WWOX: variants seen among roughly 807,000 people sequenced by gnomAD.
WWOX encodes WW domain containing oxidoreductase.
In WWOX, 69 loss-of-function variants were observed where a neutral mutation model predicts 46.2. The ratio of observed to expected loss-of-function variants is 1.49; its 90% CI spans 1.23 to 1.82. WWOX has a LOEUF of 1.82. Ranked by LOEUF, WWOX falls within the 40% of genes most tolerant of loss-of-function variation. WWOX has a pLI of 0.00. For missense variants in WWOX, 919 were observed against 542.6 expected (o/e 1.69, Z -6.89); for synonymous variants, 359 against 202.6 (o/e 1.77, Z -6.56).
At chr16:78,560,858 A>ATT (rs200164239) in intron 8 of WWOX, among the ~76,000 whole-genome samples, 1 of 151,654 alleles carries the variant, frequency 6.6e-6, no homozygotes, top group African/African-American at 2.4e-5. Flanking sequence ...ATGCTGCAGA[A>ATT]TTTTTTTTTC....
At chr16:78,321,976 G>A (rs780354255) in intron 5 of WWOX, among the ~76,000 whole-genome samples, 1 of 152,214 alleles carries the variant, frequency 6.6e-6, no homozygotes, top group Non-Finnish European at 1.5e-5. Context: ...GCAGAGACAG[G>A]TTGTGGATGG....
chr16:78,197,968 A>G (rs1342879216), intron 5 of WWOX, among the ~76,000 whole-genome samples: 2 of 150,550 alleles, frequency 1.3e-5, no homozygotes, highest in Non-Finnish European at 3.0e-5. Flanking sequence ...AATTTCTTCC[A>G]TTTTCTTTCC....
chr16:78,331,835 T>C (rs185600931), intron 5 of WWOX, among the ~76,000 whole-genome samples: 1 of 152,180 alleles, frequency 6.6e-6, no homozygotes, highest in Admixed American at 6.5e-5. Flanking sequence ...ATTTAATTCT[T>C]CCAACAACGT....
At chr16:78,364,161 T>C (rs969231309) in intron 5 of WWOX, among the ~76,000 whole-genome samples, 2 of 152,182 alleles carry the variant, frequency 1.3e-5, no homozygotes, top group Non-Finnish European at 2.9e-5. Flanking sequence ...CGACCCTGTT[T>C]GCAGCAAAGA....
chr16:78,124,281 G>A (rs2033260416), intron 4 of WWOX: 1 of 151,942 alleles, frequency 6.6e-6, no homozygotes. Flanking sequence ...AGATATTTTG[G>A]TTGTTCATAT....
At chr16:79,023,219 T>G (rs2047569783) in intron 8 of WWOX, among the ~76,000 whole-genome samples, 1 of 152,182 alleles carries the variant, frequency 6.6e-6, no homozygotes, top group African/African-American at 2.4e-5. Flanking sequence ...CAGTCCATCT[T>G]GTTGGAAGGC....
At position 79,008,128 on chromosome 16, in the gene WWOX, A is replaced by C. The variant is rs79733508; in HGVS notation, c.1057-203480A>C. Among the ~76,000 whole-genome samples, 843 of 152,212 alleles carry C rather than the reference A, an allele frequency of 5.5e-3. 30 individuals are homozygous for C. The East Asian group carries it at 0.087, about 16-fold the overall frequency. On this transcript the variant is annotated intron_variant, in intron 8 of 8. Transcript: ENST00000566780. ...TATTAACAGAATTCATTTTCTTGTA[A>C]CTGTAGGACTGAGGTGCTTGTTTTC... is the stretch of plus-strand genomic sequence containing the variant.
chr16:78,315,414 C>T (rs1378727429), intron 5 of WWOX, among the ~76,000 whole-genome samples: 1 of 152,014 alleles, frequency 6.6e-6, no homozygotes, highest in African/African-American at 2.4e-5. Flanking sequence ...TTGGGGAGGC[C>T]AAGGCCGGCG....
intron 8 of WWOX, among the ~76,000 whole-genome samples, chr16:78,882,329 A>G (rs2044360031): frequency 2.0e-5 from 3 of 152,308 alleles, no homozygotes; most frequent in Middle Eastern, 6.8e-3. Context: ...ACAGGTTCAG[A>G]GAAGTTAAGC....
intron 8 of WWOX, among the ~76,000 whole-genome samples, chr16:78,748,004 C>G (rs1445696068): frequency 6.6e-6 from 1 of 152,194 alleles, no homozygotes; most frequent in African/African-American, 2.4e-5. Context: ...AACTCCAAGT[C>G]CATCTGCGCC....
chr16:78,276,362 C>T (rs1345008010), intron 5 of WWOX, among the ~76,000 whole-genome samples: 1 of 152,184 alleles, frequency 6.6e-6, no homozygotes, highest in African/African-American at 2.4e-5. Flanking sequence ...AGTGAGCATC[C>T]AGCAAGTGGT....
chr16:78,683,168 G>A (rs989289478), intron 8 of WWOX, among the ~76,000 whole-genome samples: 2 of 151,998 alleles, frequency 1.3e-5, no homozygotes, highest in Non-Finnish European at 2.9e-5. Flanking sequence ...AACACTGAGT[G>A]TTACTTGGTC....
chr16:78,214,565 G>C (rs950396021), intron 5 of WWOX, among the ~76,000 whole-genome samples: 1 of 152,118 alleles, frequency 6.6e-6, no homozygotes, highest in African/African-American at 2.4e-5. Flanking sequence ...TGAATATGCT[G>C]TCCCTTCTAA....
intron 5 of WWOX, among the ~76,000 whole-genome samples, chr16:78,289,831 T>G (rs568252197): frequency 2.0e-5 from 3 of 152,060 alleles, no homozygotes; most frequent in Admixed American, 2.0e-4. Flanking sequence ...CGCCGTTTGC[T>G]TGATAGGTGT....
At chr16:78,883,659 G>A (rs910685613) in intron 8 of WWOX, among the ~76,000 whole-genome samples, 1 of 151,890 alleles carries the variant, frequency 6.6e-6, no homozygotes, top group African/African-American at 2.4e-5. Context: ...AGGAGATGGA[G>A]GTTGCAGTGA....
chr16:78,779,720 T>A (rs2142548899), intron 8 of WWOX, among the ~76,000 whole-genome samples: 1 of 152,252 alleles, frequency 6.6e-6, no homozygotes, highest in East Asian at 1.9e-4. Context: ...AGAAGCTTGT[T>A]CTCCTAACCA....
chr16:78,996,859 T>G (rs2047000594), intron 8 of WWOX, among the ~76,000 whole-genome samples: 1 of 152,202 alleles, frequency 6.6e-6, no homozygotes, highest in Admixed American at 6.5e-5. Context: ...CTCCGACACA[T>G]GTGCCATAAA....
intron 8 of WWOX, among the ~76,000 whole-genome samples, chr16:78,714,654 G>A (rs756226724): frequency 5.3e-5 from 8 of 152,128 alleles, no homozygotes; most frequent in African/African-American, 9.7e-5. Context: ...CGGAGGAAAC[G>A]GTAAATGAGA....
At chr16:78,755,018 G>T (rs754102971) in intron 8 of WWOX, among the ~76,000 whole-genome samples, 4 of 151,282 alleles carry the variant, frequency 2.6e-5, no homozygotes, top group Admixed American at 1.3e-4. Context: ...GACAACGGGA[G>T]GGGGGAACAT....
Sources: gnomAD v4.1 joint callset for allele counts (sites outside exome capture counted in the v4.1 genomes callset) on GRCh38, gnomAD v4.1.1 for gene constraint, MANE v1.5 for transcripts, NCBI Gene and HGNC (gene_info 2026-07-23, HGNC 2026-07-21) for gene names.